LDHC: variants seen among roughly 807,000 people sequenced by gnomAD.
LDHC encodes the protein lactate dehydrogenase C.
Under a neutral mutation model 30.2 loss-of-function variants are expected in LDHC, and 20 were observed. That is an observed-to-expected ratio of 0.66 (90% CI 0.47 to 0.96). The LOEUF (loss-of-function observed/expected upper bound fraction) is 0.96. Among genes scored for constraint, LDHC ranks in the 40% least tolerant of loss-of-function variants. The pLI is 0.00. For missense variants in LDHC, 362 were observed against 394.9 expected (o/e 0.92, Z 0.71); for synonymous variants, 139 against 132.7 (o/e 1.05, Z -0.32).
chr11:18,424,021 GTGTT>G (rs1385300277), intron 3 of LDHC, among the ~76,000 whole-genome samples: 2 of 142,758 alleles, frequency 1.4e-5, no homozygotes, highest in African/African-American at 5.1e-5. Flanking sequence ...GTGATAGTAA[GTGTT>G]TGTGAGGATG....
intron 3 of LDHC, among the ~76,000 whole-genome samples, chr11:18,423,309 A>T (rs1848100658): frequency 6.6e-6 from 1 of 152,204 alleles, no homozygotes; most frequent in Non-Finnish European, 1.5e-5. Context: ...GATTATATGC[A>T]ATCCTAGTCA....
intron 5 of LDHC, among the ~76,000 whole-genome samples, 190 bp from the exon 6 acceptor site, chr11:18,438,338 G>A (rs1848394581): frequency 6.6e-6 from 1 of 152,140 alleles, no homozygotes; most frequent in African/African-American, 2.4e-5. Flanking sequence ...AGCTATTCAT[G>A]AGGGATCTGC....
chr11:18,442,285 T>C (rs1218493144), intron 6 of LDHC, among the ~76,000 whole-genome samples: 1 of 152,212 alleles, frequency 6.6e-6, no homozygotes, highest in African/African-American at 2.4e-5. Flanking sequence ...TAGAAAACTA[T>C]GTTGCCTGAA....
intron 3 of LDHC, among the ~76,000 whole-genome samples, chr11:18,415,784 C>T (rs1043858361): frequency 6.6e-6 from 1 of 152,200 alleles, no homozygotes; most frequent in South Asian, 2.1e-4. Flanking sequence ...CCTCCGCCAC[C>T]TGGGTTCAAG....
rs924679417 is a variant in LDHC, at chr11:18,427,366, C to A, written c.245-2371C>A. ...CAAGATTGTGCCTCAAAAAAACAAA[C>A]AAACAAAAACAAAATAACAACAAAA... On this transcript the variant is annotated intron_variant, in intron 3 of 7. Transcript: ENST00000541669. Among the ~76,000 whole-genome samples, 6 of 151,960 alleles carry A rather than the reference C, an allele frequency of 3.9e-5. 1 individual carries two copies. Among genetic ancestry groups the A allele is most frequent in the Admixed American group, 1.3e-4 (2 of 15,210 alleles).
intron 3 of LDHC, among the ~76,000 whole-genome samples, chr11:18,423,051 G>A (rs1287483515): frequency 6.6e-6 from 1 of 151,812 alleles, no homozygotes; most frequent in African/African-American, 2.4e-5. Context: ...GAGGCTGGGC[G>A]CAGTAGCTCA....
intron 4 of LDHC, among the ~76,000 whole-genome samples, chr11:18,432,027 G>A (rs112440121): frequency 0.15 from 22,704 of 151,922 alleles, 1,872 homozygotes; most frequent in African/African-American, 0.21. Context: ...GTTTGTTCTT[G>A]TTTCTCTAGT....
chr11:18,415,778 C>T (rs1000477066), intron 3 of LDHC, among the ~76,000 whole-genome samples: 9 of 152,000 alleles, frequency 5.9e-5, no homozygotes, highest in Admixed American at 4.6e-4. Context: ...CTGCAACCTC[C>T]GCCACCTGGG....
At chr11:18,412,624 C>T (rs975049478) in intron 1 of LDHC, 85 bp from the exon 2 acceptor site, 2 of 1,280,940 alleles carry the variant, frequency 1.6e-6, no homozygotes, top group Non-Finnish European at 2.2e-6. Context: ...CCCCCATCCC[C>T]GGCTCCAACA....
intron 6 of LDHC, among the ~76,000 whole-genome samples, chr11:18,439,816 A>AAAAC (rs1343699015): frequency 7.7e-6 from 1 of 130,710 alleles, no homozygotes; most frequent in African/African-American, 2.7e-5. Context: ...TCTACTAAAA[A>AAAAC]AAAAAAAAAA....
chr11:18,427,768 C>T (rs1048901835), intron 3 of LDHC, among the ~76,000 whole-genome samples: 2 of 151,584 alleles, frequency 1.3e-5, no homozygotes, highest in African/African-American at 4.9e-5. Flanking sequence ...ACCTCCACCT[C>T]CTAGGTTCAA....
At chr11:18,434,262 G>C (rs924574417) in intron 4 of LDHC, among the ~76,000 whole-genome samples, 2 of 148,660 alleles carry the variant, frequency 1.3e-5, no homozygotes, top group Non-Finnish European at 3.0e-5. Context: ...CCTTTCTCTG[G>C]TCCCTCCCTG....
chr11:18,439,572 A>C (rs1055150781), intron 6 of LDHC, among the ~76,000 whole-genome samples: 1 of 150,642 alleles, frequency 6.6e-6, no homozygotes, highest in African/African-American at 2.4e-5. Context: ...TCAAAAAAAA[A>C]AAAAAAAAAA....
At chr11:18,443,224 T>C (rs1299163997) in intron 6 of LDHC, among the ~76,000 whole-genome samples, 1 of 152,096 alleles carries the variant, frequency 6.6e-6, no homozygotes, top group Non-Finnish European at 1.5e-5. Flanking sequence ...TATGCCCATA[T>C]ATTTTCAGCT....
chr11:18,444,002 C>T (rs1460314911), intron 6 of LDHC, among the ~76,000 whole-genome samples: 2 of 152,150 alleles, frequency 1.3e-5, no homozygotes, highest in Non-Finnish European at 2.9e-5. Flanking sequence ...CTAAAAACTA[C>T]TCAGCTCTTT....
chr11:18,448,280 T>G (rs1366266130), intron 7 of LDHC, among the ~76,000 whole-genome samples: 1 of 152,078 alleles, frequency 6.6e-6, no homozygotes, highest in East Asian at 1.9e-4. Context: ...TATATTTTAA[T>G]TTAATTTTAA....
intron 6 of LDHC, among the ~76,000 whole-genome samples, chr11:18,439,072 C>T (rs1362914953): frequency 6.6e-6 from 1 of 152,108 alleles, no homozygotes; most frequent in East Asian, 1.9e-4. Flanking sequence ...ATGTAAAATG[C>T]TAGAACCATG....
chr11:18,439,802 C>CT (rs1848425682), intron 6 of LDHC, among the ~76,000 whole-genome samples: 1 of 108,990 alleles, frequency 9.2e-6, no homozygotes, highest in African/African-American at 3.3e-5. Context: ...TGGTGAAAAC[C>CT]GTCTCTACTA....
At chr11:18,412,933 C>G in intron 2 of LDHC, 90 bp downstream of exon 2, 1 of 1,173,848 alleles carries the variant, frequency 8.5e-7, no homozygotes, top group South Asian at 1.7e-5. Flanking sequence ...CAAGGTTAAT[C>G]CCTTGAAAGC....
Sources: gnomAD v4.1 joint callset for allele counts (sites outside exome capture counted in the v4.1 genomes callset) on GRCh38, gnomAD v4.1.1 for gene constraint, MANE v1.5 for transcripts, NCBI Gene and HGNC (gene_info 2026-07-23, HGNC 2026-07-21) for gene names.